The following OSBPL9 variants were observed in gnomAD, a reference collection of about 807,000 sequenced individuals.
OSBPL9 encodes oxysterol binding protein like 9, also known as oxysterol-binding protein-related protein 9.
Under a neutral mutation model 106.6 loss-of-function variants are expected in OSBPL9, and 40 were observed. The observed-to-expected ratio is 0.38, with a 90% CI of 0.29 to 0.49. The LOEUF is 0.49. OSBPL9 is among the 20% of genes least tolerant of loss of function. The pLI is 0.97. For missense variants in OSBPL9, 609 were observed against 887.2 expected (o/e 0.69, Z 3.98); for synonymous variants, 269 against 295.4 (o/e 0.91, Z 0.92).
chr1:51,569,829 A>G, the OSBPL9 span: 4 of 152,126 alleles, frequency 2.6e-5, no homozygotes, highest in Non-Finnish European at 5.9e-5. Flanking sequence ...GACCTCACCA[A>G]TCTCTGGTAT....
At chr1:51,779,146 C>A (rs549387821) in intron 15 of OSBPL9, among the ~76,000 whole-genome samples, 1 of 152,084 alleles carries the variant, frequency 6.6e-6, no homozygotes, top group Non-Finnish European at 1.5e-5. Flanking sequence ...GATTAAGTGA[C>A]GATTAATTAA....
chr1:51,704,215 C>G (rs1378261494), intron 3 of OSBPL9, among the ~76,000 whole-genome samples: 1 of 152,114 alleles, frequency 6.6e-6, no homozygotes, highest in East Asian at 1.9e-4. Flanking sequence ...GGAATGGTAC[C>G]AGCTCCTCCT....
the OSBPL9 span, among the ~76,000 whole-genome samples, chr1:51,549,919 T>C: frequency 6.6e-6 from 1 of 152,200 alleles, no homozygotes; most frequent in Non-Finnish European, 1.5e-5. Context: ...TCAATAGTAA[T>C]AGATATTCAC....
At chr1:51,579,055 ATT>A (rs560800594) in intron 1 of OSBPL9, among the ~76,000 whole-genome samples, 156 of 139,306 alleles carry the variant, frequency 1.1e-3, no homozygotes, top group Middle Eastern at 3.8e-3. Context: ...CTTCAGCAGA[ATT>A]TTTTTTTTTT....
intron 2 of OSBPL9, among the ~76,000 whole-genome samples, chr1:51,666,949 C>T (rs1305744991): frequency 6.6e-6 from 1 of 152,156 alleles, no homozygotes; most frequent in African/African-American, 2.4e-5. Context: ...TGAAGGCAGG[C>T]AGATTGTTAC....
chr1:51,527,958 CA>C, the OSBPL9 span, among the ~76,000 whole-genome samples: 126,497 of 141,396 alleles, frequency 0.89, 56,562 homozygotes, highest in East Asian at 0.99. Context: ...ACTAAAAATA[CA>C]AAAAAAAAAA....
chr1:51,605,861 A>C (rs1235498666), intron 2 of OSBPL9, among the ~76,000 whole-genome samples: 1 of 151,990 alleles, frequency 6.6e-6, no homozygotes, highest in Non-Finnish European at 1.5e-5. Flanking sequence ...GGCGCCTGTA[A>C]TCCCAGCTAC....
At chr1:51,715,447 TG>T (rs1660863424) in intron 4 of OSBPL9, among the ~76,000 whole-genome samples, 2 of 152,218 alleles carry the variant, frequency 1.3e-5, no homozygotes, top group South Asian at 2.1e-4. Flanking sequence ...GTTTGTTTTT[TG>T]TTTTTTTGAG....
intron 8 of OSBPL9, among the ~76,000 whole-genome samples, chr1:51,755,692 C>T (rs12081489): frequency 1.1e-3 from 164 of 152,244 alleles, no homozygotes; most frequent in African/African-American, 3.6e-3. Context: ...TTCTACAACA[C>T]GTTTAAGGTA....
Position 51,781,315 on chromosome 1 carries a change from A to C in OSBPL9, c.1408A>C (p.Asn470His). 1 of 1,614,186 alleles carries C rather than the reference A, an allele frequency of 6.2e-7. No individual in the cohort carries two copies. Among genetic ancestry groups the C allele is most frequent in the Non-Finnish European group, 8.5e-7 (1 of 1,180,014 alleles). Residue 470 changes from asparagine (N) to histidine (H), a missense_variant, in exon 16 of 24, where the codon AAT (asparagine) becomes CAT (histidine). Asn to His is a moderately conservative substitution (Grantham distance 68). Coordinates refer to ENST00000428468, the MANE Select transcript of OSBPL9 (RefSeq NM_024586.6). ...EIFQCHWTLPNDTEENTELVS... is the reference protein window; with the variant it reads ...EIFQCHWTLPHDTEENTELVS... ...TTTTCAGTGTCATTGGACATTACCAAATGATACTGAAGAGAACACAGTGAG... is the reference window on the plus strand; with the variant it reads ...TTTTCAGTGTCATTGGACATTACCACATGATACTGAAGAGAACACAGTGAG...
Position 51,669,919 on chromosome 1 carries a change from A to G in OSBPL9, c.241+407A>G, listed in dbSNP as rs546409716. Reference sequence around the variant, plus strand: ...TTTGTCTGTGTAAAACTCAAAATATAAATTAAATTGAAGCTTAGTGGCAAC... The same window carrying G: ...TTTGTCTGTGTAAAACTCAAAATATGAATTAAATTGAAGCTTAGTGGCAAC... On this transcript the variant is annotated intron_variant, in intron 3 of 23. Transcript: ENST00000428468. 4 of 402,078 alleles carry G rather than the reference A, an allele frequency of 9.9e-6. No homozygotes were observed. The East Asian group carries it at 2.9e-4, about 29-fold the overall frequency. 24.9% of individuals were successfully genotyped at this position (402,078 alleles called of 1,614,324 possible).
the OSBPL9 span, among the ~76,000 whole-genome samples, chr1:51,558,638 C>T: frequency 0.033 from 5,051 of 152,158 alleles, 204 homozygotes; most frequent in East Asian, 0.11. Context: ...ATTCCCCATT[C>T]CCTAGCACCC....
Position 51,678,435 on chromosome 1 carries a change from C to T in OSBPL9, c.241+8923C>T, listed in dbSNP as rs190926180. Among the ~76,000 whole-genome samples the T allele has an allele frequency of 2.3e-3, 350 of 152,066 alleles. 4 individuals are homozygous for T. Among genetic ancestry groups the T allele is most frequent in the African/African-American group, 8.2e-3 (342 of 41,474 alleles). On this transcript the variant is annotated intron_variant, in intron 3 of 23. Transcript: ENST00000428468. ...CAGCACTTTGGGAGGCCAAGGCGGGCGGATCATCTGAGGTCAGGAGTTTGA... is the reference window on the plus strand; with the variant it reads ...CAGCACTTTGGGAGGCCAAGGCGGGTGGATCATCTGAGGTCAGGAGTTTGA...
chr1:51,683,393 T>G (rs2148806896), intron 3 of OSBPL9, among the ~76,000 whole-genome samples: 1 of 150,678 alleles, frequency 6.6e-6, no homozygotes. Flanking sequence ...TTGGTCAGGC[T>G]GGTCTCGAAC....
intron 1 of OSBPL9, among the ~76,000 whole-genome samples, chr1:51,589,991 C>T (rs1038446955): frequency 2.0e-5 from 3 of 147,804 alleles, no homozygotes; most frequent in Non-Finnish European, 3.0e-5. Flanking sequence ...TGAGGTTGCG[C>T]CCCTGCACTC....
intron 2 of OSBPL9, among the ~76,000 whole-genome samples, chr1:51,607,163 T>A (rs1280768571): frequency 1.3e-5 from 2 of 149,820 alleles, no homozygotes; most frequent in African/African-American, 4.9e-5. Context: ...CTTTTCTTTT[T>A]CTTTTTTTTT....
At chr1:51,722,701 T>C (rs1395693653) in intron 4 of OSBPL9, among the ~76,000 whole-genome samples, 1 of 152,228 alleles carries the variant, frequency 6.6e-6, no homozygotes, top group African/African-American at 2.4e-5. Context: ...GCAAACAGTT[T>C]ACAAACTTTT....
chr1:51,721,314 C>T (rs561431597), intron 4 of OSBPL9, among the ~76,000 whole-genome samples: 1 of 152,154 alleles, frequency 6.6e-6, no homozygotes, highest in South Asian at 2.1e-4. Context: ...AGTAAAACAT[C>T]ATTATATGAA....
At chr1:51,782,835 C>T (rs59703705) in intron 17 of OSBPL9, among the ~76,000 whole-genome samples, 192 bp downstream of exon 17, 4,748 of 152,266 alleles carry the variant, frequency 0.031, 145 homozygotes, top group Middle Eastern at 0.088. Context: ...CTCTTAGCTT[C>T]ACAAATTAAG....
Sources: gnomAD v4.1 joint callset for allele counts (sites outside exome capture counted in the v4.1 genomes callset) on GRCh38, gnomAD v4.1.1 for gene constraint, MANE v1.5 for transcripts, NCBI Gene and HGNC (gene_info 2026-07-23, HGNC 2026-07-21) for gene names.